Variants in IRF4 observed in about 807,000 individuals in gnomAD.
IRF4 encodes the protein interferon regulatory factor 4.
In IRF4, 13 loss-of-function variants were observed where a neutral mutation model predicts 55.5. The ratio of observed to expected loss-of-function variants is 0.23; its 90% confidence interval spans 0.15 to 0.37. IRF4 has a LOEUF of 0.37. IRF4 is among the 10% of genes least tolerant of loss of function. The pLI, the probability that IRF4 is intolerant of heterozygous loss-of-function variation, is 1.00. For synonymous variants in IRF4, 249 were observed against 240.7 expected (o/e 1.03, Z -0.32); for missense variants, 397 against 593.8 (o/e 0.67, Z 3.44).
At chr6:401,276 A>G in intron 6 of IRF4, 148 bp from the exon 7 acceptor site, 3 of 624,416 alleles carry the variant, frequency 4.8e-6, no homozygotes, top group Non-Finnish European at 8.3e-6. Flanking sequence ...TGTGTTTCCC[A>G]GGCCTCCTTG....
Position 396,072 on chromosome 6 carries a change from G to C in IRF4, c.492+137G>C, listed in dbSNP as rs571706578. ...GCTCCAACAGCCCAGAAAAACCCCA[G>C]GTCACTGAACGAATGTCTCACTTTC... is the stretch of plus-strand genomic sequence containing the variant. On this transcript the variant is annotated intron_variant, in intron 4 of 8. Coordinates refer to ENST00000380956, the MANE Select transcript of IRF4 (RefSeq NM_002460.4). 3.3e-4 allele frequency: 215 copies of C among 653,152 alleles called. 1 individual carries two copies. The highest frequency in any genetic ancestry group is 5.4e-4 in the South Asian group (28 of 52,292). 40.5% of individuals were successfully genotyped at this position (653,152 alleles called of 1,614,324 possible). A position where few individuals can be genotyped will look rare whatever the true frequency, so the allele number is the denominator to read the frequency against.
intron 4 of IRF4, among the ~76,000 whole-genome samples, chr6:396,271 T>C (rs150185105): frequency 1.3e-5 from 2 of 152,388 alleles, no homozygotes; most frequent in Admixed American, 1.3e-4. Context: ...TCAGGCTTTC[T>C]TGATGTGAAT....
At chr6:405,199 A>G (rs1054828152) in intron 8 of IRF4, 69 bp downstream of exon 8, 2 of 845,358 alleles carry the variant, frequency 2.4e-6, no homozygotes, top group Non-Finnish European at 3.9e-6. Context: ...TTTCATTTAG[A>G]AAAGTCCCAA....
At chr6:403,857 C>T (rs1354393918) in intron 7 of IRF4, among the ~76,000 whole-genome samples, 5 of 152,144 alleles carry the variant, frequency 3.3e-5, no homozygotes, top group South Asian at 4.1e-4. Context: ...TGTGCCAACT[C>T]GCCATTCTGA....
chr6:410,444 A>G lies in IRF4; in HGVS notation c.*2846A>G. 1 of 229,376 alleles carries G rather than the reference A, an allele frequency of 4.4e-6. No homozygotes were observed. Among genetic ancestry groups the G allele is most frequent in the African/African-American group, 2.2e-5 (1 of 45,282 alleles). 14.2% of individuals were successfully genotyped at this position (229,376 alleles called of 1,614,324 possible). A position where few individuals can be genotyped will look rare whatever the true frequency, so the allele number is the denominator to read the frequency against. On this transcript the variant is annotated 3_prime_UTR_variant, in exon 9 of 9. Coordinates refer to ENST00000380956, the MANE Select transcript of IRF4 (RefSeq NM_002460.4). Reference sequence around the variant, plus strand: ...AACCCAGCTAGACTATTGGGTATGAACTAAAAAGAGACTGTGCCATGGTGA... The same window carrying G: ...AACCCAGCTAGACTATTGGGTATGAGCTAAAAAGAGACTGTGCCATGGTGA...
chr6:394,036 G>T (rs1761193552), intron 2 of IRF4, among the ~76,000 whole-genome samples: 1 of 152,172 alleles, frequency 6.6e-6, no homozygotes, highest in Non-Finnish European at 1.5e-5. Context: ...TCGTTGTTAC[G>T]ATTGTTCTCC....
At chr6:397,712 T>TA (rs1463482248) in intron 5 of IRF4, among the ~76,000 whole-genome samples, 2 of 152,280 alleles carry the variant, frequency 1.3e-5, no homozygotes, top group Non-Finnish European at 2.9e-5. Context: ...TCTCTACAGG[T>TA]GCCTACCTAC....
chr6:394,859 C>G lies in IRF4; in HGVS notation c.255C>G (p.Ile85Met), dbSNP rs1454761481. Residue 85 changes from isoleucine (I) to methionine (M), a missense_variant, in exon 3 of 9, where the codon ATC becomes ATG. Physicochemically the swap from Ile to Met is conservative, Grantham distance 10. This residue lies in a region of IRF4 where 341 missense variants were observed against 548.1 expected (regional missense o/e 0.62). Coordinates refer to ENST00000380956, the MANE Select transcript of IRF4 (RefSeq NM_002460.4). ...ALFKGKFREG[I>M]DKPDPPTWKT... The stretch of plus-strand genomic sequence containing the variant: ...TTAAAGGAAAGTTCCGAGAAGGCAT[C>G]GACAAGCCGGACCCTCCCACCTGGA... 2 of 1,614,022 alleles carry G rather than the reference C, an allele frequency of 1.2e-6. No homozygotes were observed. Among genetic ancestry groups the G allele is most frequent in the African/African-American group, 2.7e-5 (2 of 74,944 alleles).
In IRF4 at chr6:409,416, T is replaced by A. The variant is rs958822856; in HGVS notation, c.*1818T>A. 5 of 202,910 alleles carry A rather than the reference T, an allele frequency of 2.5e-5. No individual in the cohort carries two copies. Among genetic ancestry groups the A allele is most frequent in the African/African-American group, 1.1e-4 (5 of 43,654 alleles). 12.6% of individuals were successfully genotyped at this position (202,910 alleles called of 1,614,324 possible). A position where few individuals can be genotyped will look rare whatever the true frequency, so the allele number is the denominator to read the frequency against. ...AAGGGGTGTTTATTCTTCCAACACA[T>A]TTCACTTTTCTGTAAATATACATAA... On this transcript the variant is annotated 3_prime_UTR_variant, in exon 9 of 9. Transcript: ENST00000380956.
rs1775589 is a variant in IRF4, at chr6:397,290, T to C, written c.637+38T>C. The C allele has an allele frequency of 0.15, 247,221 of 1,609,558 alleles. 25,132 individuals are homozygous for C. The highest frequency in any genetic ancestry group is 0.51 in the East Asian group (22,807 of 44,844). On this transcript the variant is annotated intron_variant, in intron 5 of 8. Coordinates refer to ENST00000380956, the MANE Select transcript of IRF4 (RefSeq NM_002460.4). Reference sequence around the variant, plus strand: ...CCAGTGCAGGAAATAGAAGAGCTAATTGCTAATGTGGCCATGGGCCATGGC... The same window carrying C: ...CCAGTGCAGGAAATAGAAGAGCTAACTGCTAATGTGGCCATGGGCCATGGC...
intron 7 of IRF4, among the ~76,000 whole-genome samples, chr6:403,083 G>A (rs756005026): frequency 1.4e-4 from 21 of 152,248 alleles, no homozygotes; most frequent in Non-Finnish European, 2.6e-4. Flanking sequence ...CTGACCATAG[G>A]AAGAGGGAGA....
In IRF4 at chr6:393,098, T is replaced by G; in HGVS notation, c.-55T>G. Reference sequence around the variant, plus strand: ...TGAAGGGCAGCTCTTCTCCCCGCAGTGCAGAGCAGAGCGGGCGGAGGACCC... The same window carrying G: ...TGAAGGGCAGCTCTTCTCCCCGCAGGGCAGAGCAGAGCGGGCGGAGGACCC... On this transcript the variant is annotated splice_region_variant and 5_prime_UTR_variant, in exon 2 of 9. Coordinates refer to ENST00000380956, the MANE Select transcript of IRF4 (RefSeq NM_002460.4). This position sits in a 1 kb window ranked among gnomAD's most constrained non-coding sequence, Gnocchi z 5.4. 1.3e-6 allele frequency: 2 copies of G among 1,489,324 alleles called. No individual in the cohort carries two copies. Among genetic ancestry groups the G allele is most frequent in the Non-Finnish European group, 1.8e-6 (2 of 1,099,176 alleles). The allele number at this position is 1,489,324 out of a possible 1,614,324, so 92.3% of individuals were successfully genotyped here.
At chr6:399,586 A>G (rs1761350238) in intron 6 of IRF4, among the ~76,000 whole-genome samples, 1 of 151,770 alleles carries the variant, frequency 6.6e-6, no homozygotes, top group African/African-American at 2.4e-5. Context: ...CACACGTGCT[A>G]TATGTATATT....
At chr6:392,340 G>A (rs117758049) in intron 1 of IRF4, among the ~76,000 whole-genome samples, 1 of 152,204 alleles carries the variant, frequency 6.6e-6, no homozygotes, top group Non-Finnish European at 1.5e-5. Flanking sequence ...TGGCCTAGCC[G>A]GCCTGGCGCG....
chr6:395,062 C>A, intron 3 of IRF4, 55 bp downstream of exon 3: 2 of 1,330,098 alleles, frequency 1.5e-6, no homozygotes, highest in East Asian at 2.4e-5. Flanking sequence ...ATCCTTGAGG[C>A]ACCTTAACTT....
At chr6:392,587 G>A (rs1761134863) in intron 1 of IRF4, among the ~76,000 whole-genome samples, 1 of 152,390 alleles carries the variant, frequency 6.6e-6, no homozygotes, top group Middle Eastern at 3.4e-3. Flanking sequence ...AGCAGAGAAA[G>A]CGGAGGGTGG....
In IRF4 at chr6:404,640, A is replaced by C. The variant is rs117897038; in HGVS notation, c.1100-378A>C. Among the ~76,000 whole-genome samples, 103 of 152,312 alleles carry C rather than the reference A, an allele frequency of 6.8e-4. 1 individual carries two copies. The East Asian group carries it at 0.015, about 22-fold the overall frequency. Reference sequence around the variant, plus strand: ...AAACATTCTGATTTTTTAAATGAAAACTTGTCCATGGCATAAATTGGTCTT... The same window carrying C: ...AAACATTCTGATTTTTTAAATGAAACCTTGTCCATGGCATAAATTGGTCTT... On this transcript the variant is annotated intron_variant, in intron 7 of 8. Transcript: ENST00000380956.
intron 7 of IRF4, among the ~76,000 whole-genome samples, chr6:402,948 C>T (rs1336547322): frequency 1.3e-5 from 2 of 152,194 alleles, no homozygotes; most frequent in Non-Finnish European, 2.9e-5. Context: ...ACAAGAATCG[C>T]TTGAACCTGT....
intron 5 of IRF4, 36 bp from the exon 6 acceptor site, chr6:398,792 G>C (rs367997652): frequency 1.8e-4 from 277 of 1,529,162 alleles, no homozygotes; most frequent in Non-Finnish European, 2.4e-4. Context: ...CGGACTCTCT[G>C]TCTAGACATC....
Sources: allele counts gnomAD v4.1 joint callset (sites outside exome capture counted in the v4.1 genomes callset), GRCh38; gene constraint gnomAD v4.1.1; regional missense constraint gnomAD v4.1.1; non-coding constraint Gnocchi (gnomAD v3.1); transcripts MANE v1.5; gene names NCBI Gene and HGNC (gene_info 2026-07-23, HGNC 2026-07-21).